RYR2: variants seen among roughly 807,000 people sequenced by gnomAD.
RYR2 encodes ryanodine receptor 2.
In RYR2, 227 loss-of-function variants were observed where a neutral mutation model predicts 601.1. The observed-to-expected ratio is 0.38, with a 90% CI of 0.34 to 0.42. RYR2 has a LOEUF of 0.42. Ranked by LOEUF, RYR2 falls within the 10% of genes least tolerant of loss-of-function variation. RYR2 has a pLI of 1.00. For missense variants in RYR2, 4,646 were observed against 6,156.5 expected, an observed-to-expected ratio of 0.75 and a Z score of 8.21; for synonymous variants, 2,223 against 2,175.1, an observed-to-expected ratio of 1.02 and a Z score of -0.61.
At chr1:237,496,061 AAT>A (rs766177699) in intron 19 of RYR2, among the ~76,000 whole-genome samples, 2 of 152,144 alleles carry the variant, frequency 1.3e-5, no homozygotes, top group Non-Finnish European at 2.9e-5. Context: ...TAATTAAGGA[AAT>A]ATATATTTAA....
intron 2 of RYR2, among the ~76,000 whole-genome samples, chr1:237,276,685 T>A (rs943975473): frequency 6.6e-6 from 1 of 152,158 alleles, no homozygotes; most frequent in African/African-American, 2.4e-5. Context: ...AATTAAGTCA[T>A]AAGGGACCAT....
In RYR2 at chr1:237,791,990, A is replaced by G. The variant is rs565859781; in HGVS notation, c.13564-115A>G. On this transcript the variant is annotated intron_variant, in intron 93 of 104. Coordinates refer to ENST00000366574, the MANE Select transcript of RYR2 (RefSeq NM_001035.3). ...AGCCTTTGCTATTAGTCCTTTCATT[A>G]TGCAGTGACTTCACATCCAACTATT... 36 of 730,030 alleles carry G rather than the reference A, an allele frequency of 4.9e-5. No individual in the cohort carries two copies. In the African/African-American group the frequency reaches 6.0e-4, roughly 12 times the overall value. The allele number at this position is 730,030 out of a possible 1,614,324, so 45.2% of individuals were successfully genotyped here. A position where few individuals can be genotyped will look rare whatever the true frequency, so the allele number is the denominator to read the frequency against.
At chr1:237,663,359 A>G (rs1683986765) in intron 56 of RYR2, among the ~76,000 whole-genome samples, 1 of 152,236 alleles carries the variant, frequency 6.6e-6, no homozygotes, top group Non-Finnish European at 1.5e-5. Context: ...TTTTTATAGC[A>G]TCATTTTATA....
At chr1:237,289,283 C>T (rs1691948988) in intron 2 of RYR2, among the ~76,000 whole-genome samples, 1 of 152,162 alleles carries the variant, frequency 6.6e-6, no homozygotes, top group Non-Finnish European at 1.5e-5. Flanking sequence ...ACATACTGCT[C>T]TGTCTAGAGC....
At chr1:237,328,406 T>C (rs1696372675) in intron 2 of RYR2, among the ~76,000 whole-genome samples, 1 of 149,354 alleles carries the variant, frequency 6.7e-6, no homozygotes, top group Non-Finnish European at 1.5e-5. Context: ...TCCTAGCCTT[T>C]GAACTTTTAT....
chr1:237,399,203 C>T (rs1332270316), intron 10 of RYR2, among the ~76,000 whole-genome samples: 1 of 150,936 alleles, frequency 6.6e-6, no homozygotes, highest in Admixed American at 6.6e-5. Context: ...TCAAAAAAAA[C>T]ATAAAAAATA....
At chr1:237,639,245 G>C (rs928357801) in intron 46 of RYR2, 44 bp downstream of exon 46, 5 of 1,504,734 alleles carry the variant, frequency 3.3e-6, no homozygotes, top group Non-Finnish European at 4.5e-6. Context: ...CATACTACTT[G>C]ATGTGAAATT....
At chr1:237,773,989 G>A (rs1040339037) in intron 87 of RYR2, among the ~76,000 whole-genome samples, 14 of 152,144 alleles carry the variant, frequency 9.2e-5, no homozygotes, top group African/African-American at 2.7e-4. Flanking sequence ...CACTAAAAGT[G>A]GGAAGAAGTT....
chr1:237,704,415 TGTAAA>T (rs1322920684), intron 66 of RYR2, among the ~76,000 whole-genome samples: 3 of 152,190 alleles, frequency 2.0e-5, no homozygotes, highest in Admixed American at 6.5e-5. Context: ...AAAACCATCA[TGTAAA>T]GTAATGTATT....
At chr1:237,287,773 A>G (rs1372908696) in intron 2 of RYR2, among the ~76,000 whole-genome samples, 2 of 152,016 alleles carry the variant, frequency 1.3e-5, no homozygotes, top group Non-Finnish European at 2.9e-5. Context: ...TCCCTCCTTG[A>G]TTAGCTTAAT....
At chr1:237,144,165 G>T (rs192598639) in intron 1 of RYR2, among the ~76,000 whole-genome samples, 1 of 151,886 alleles carries the variant, frequency 6.6e-6, no homozygotes. Flanking sequence ...AGAATGTGAC[G>T]CATGTTATAG....
chr1:237,541,553 A>C (rs527562193), intron 25 of RYR2, among the ~76,000 whole-genome samples: 39 of 152,258 alleles, frequency 2.6e-4, no homozygotes, highest in Non-Finnish European at 4.9e-4. Context: ...TTGGTTTCGT[A>C]CTTGATTCCT....
intron 2 of RYR2, among the ~76,000 whole-genome samples, chr1:237,272,837 G>T (rs183301059): frequency 3.3e-5 from 5 of 152,014 alleles, no homozygotes; most frequent in Non-Finnish European, 4.4e-5. Flanking sequence ...TGAATAACAG[G>T]CCAGAATTCC....
At chr1:237,426,837 C>T (rs997464724) in intron 12 of RYR2, among the ~76,000 whole-genome samples, 5 of 152,032 alleles carry the variant, frequency 3.3e-5, no homozygotes, top group African/African-American at 1.2e-4. Flanking sequence ...TGATCATGCC[C>T]ACTGCATTCC....
chr1:237,532,614 A>G (rs961738470), intron 25 of RYR2, among the ~76,000 whole-genome samples: 1 of 152,116 alleles, frequency 6.6e-6, no homozygotes, highest in South Asian at 2.1e-4. Context: ...AAACCAAAAA[A>G]CAACAACCTA....
chr1:237,699,395 AT>A (rs1469973241), intron 64 of RYR2, among the ~76,000 whole-genome samples: 1 of 152,138 alleles, frequency 6.6e-6, no homozygotes, highest in African/African-American at 2.4e-5. Flanking sequence ...ACAGAGTTTT[AT>A]TCTCATTTTA....
intron 70 of RYR2, 75 bp from the exon 71 acceptor site, chr1:237,711,670 C>A (rs1688854906): frequency 5.6e-6 from 4 of 714,494 alleles, no homozygotes; most frequent in Non-Finnish European, 9.9e-6. Context: ...TAAAAACTTG[C>A]AGGTTCTGTG....
At chr1:237,665,279 A>T (rs1484716174) in intron 56 of RYR2, among the ~76,000 whole-genome samples, 2 of 151,804 alleles carry the variant, frequency 1.3e-5, no homozygotes, top group African/African-American at 4.8e-5. Context: ...CGTGCCTGTA[A>T]TCCCAGCTAC....
chr1:237,183,652 T>C (rs1426171758), intron 1 of RYR2, among the ~76,000 whole-genome samples: 1 of 152,222 alleles, frequency 6.6e-6, no homozygotes, highest in Non-Finnish European at 1.5e-5. Context: ...TCTTTGGAGA[T>C]AACCTCAGAA....
Sources: allele counts gnomAD v4.1 joint callset (sites outside exome capture counted in the v4.1 genomes callset), GRCh38; gene constraint gnomAD v4.1.1; transcripts MANE v1.5; gene names NCBI Gene and HGNC (gene_info 2026-07-23, HGNC 2026-07-21).